Variants in ACOT8 observed in about 807,000 individuals in gnomAD.
The protein encoded by ACOT8 is acyl-coenzyme A thioesterase 8.
In ACOT8, 31 loss-of-function variants were observed where a neutral mutation model predicts 38.4. That is an observed-to-expected ratio of 0.81 (90% confidence interval 0.61 to 1.09). The LOEUF is 1.09. Among genes scored for constraint, ACOT8 ranks in the 50% least tolerant of loss-of-function variants. ACOT8 has a pLI of 0.00. For synonymous variants in ACOT8, 158 were observed against 170.3 expected, an observed-to-expected ratio of 0.93 and a Z score of 0.56; for missense variants, 373 against 421.8, an observed-to-expected ratio of 0.88 and a Z score of 1.01.
At chr20:45,855,359 A>C in intron 1 of ACOT8, 67 bp from the exon 2 acceptor site, 1 of 1,572,740 alleles carries the variant, frequency 6.4e-7, no homozygotes, top group South Asian at 1.1e-5. Flanking sequence ...CCTCACTAAG[A>C]CTCTAATGCA....
rs1229795749 is a variant in ACOT8 at position 45,857,041 on chromosome 20, T to C, written c.128+147A>G. On this transcript the variant is annotated intron_variant, in intron 1 of 5. Transcript: ENST00000217455. ...AGCCAGAGCAGAGAGGACAGCTCTG[T>C]TGGGGGCGAGTTCTCTCCTAATCGT... The C allele has an allele frequency of 6.4e-6, 6 of 936,206 alleles. No homozygotes were observed. In the South Asian group the frequency reaches 6.9e-5, roughly 11 times the overall value. 58.0% of individuals were successfully genotyped at this position (936,206 alleles called of 1,614,324 possible). A position where few individuals can be genotyped will look rare whatever the true frequency, so the allele number is the denominator to read the frequency against.
intron 3 of ACOT8, 47 bp from the exon 4 acceptor site, chr20:45,844,467 G>A: frequency 6.3e-7 from 1 of 1,597,082 alleles, no homozygotes; most frequent in Non-Finnish European, 8.6e-7. Context: ...GGAAGAGAGG[G>A]AGTCACATCT....
intron 5 of ACOT8, chr20:45,842,956 G>A (rs938772564): frequency 4.3e-5 from 43 of 1,010,592 alleles, no homozygotes; most frequent in East Asian, 9.5e-5. Context: ...ATTGATGAAC[G>A]AGTCTTGTTT....
At position 45,844,343 on chromosome 20, in the gene ACOT8, G is replaced by T. The variant is rs1458447985; in HGVS notation, c.566C>A (p.Pro189Gln). The change falls in exon 4 of 6, where the codon CCA (proline) becomes CAA (glutamine). Residue 189 changes from proline to glutamine, a missense_variant. By Grantham distance (76) the Pro-to-Gln change is moderately conservative. Transcript: ENST00000217455. ...CTGGCTCAGGGGGGATGGGTTTACT[G>T]GCTTGATCTCAATGGGGACCTCCTG... ...AAQEVPIEIK[P>Q]VNPSPLSQLQ... 1 of 1,614,026 alleles carries T rather than the reference G, an allele frequency of 6.2e-7. No individual in the cohort carries two copies. The highest frequency in any genetic ancestry group is 1.3e-5 in the African/African-American group (1 of 74,908).
chr20:45,842,790 G>T (rs762543764), intron 5 of ACOT8: 37 of 990,530 alleles, frequency 3.7e-5, no homozygotes, highest in Non-Finnish European at 4.2e-5. Context: ...TCACTTCAAG[G>T]TTATCAATCT....
intron 5 of ACOT8, chr20:45,842,819 G>C: frequency 1.0e-6 from 1 of 991,920 alleles, no homozygotes; most frequent in East Asian, 1.1e-4. Context: ...GATGCTATTG[G>C]TACTTGAGAA....
Position 45,844,268 on chromosome 20 carries a change from T to G in ACOT8, c.641A>C (p.Tyr214Ser). ...KQMFWVRARG[Y>S]IGEGDMKMHC... is the part of the protein sequence containing the mutation. ...CATCCATGGGGTACTCTTACCAATA[T>G]AGCCCCGGGCTCGCACCCAGAACAT... Residue 214 changes from tyrosine (Y) to serine (S), a missense_variant, in exon 4 of 6, where the codon TAT becomes TCT. By Grantham distance (144) the Tyr-to-Ser change is moderately radical (BLOSUM62 -2). Coordinates refer to ENST00000217455, the MANE Select transcript of ACOT8 (RefSeq NM_005469.4). 1 of 1,614,148 alleles carries G rather than the reference T, an allele frequency of 6.2e-7. No homozygotes were observed. The highest frequency in any genetic ancestry group is 1.1e-5 in the South Asian group (1 of 91,074).
In ACOT8 at chr20:45,857,385, C is replaced by G. The variant is rs568471240; in HGVS notation, c.-70G>C. On this transcript the variant is annotated 5_prime_UTR_variant, in exon 1 of 6. Transcript: ENST00000217455. ...GCGGAGACATACACAGAACCTGACT[C>G]TTCCGGCAGATTGCCCTAGTAACCG... The G allele has an allele frequency of 2.0e-6, 3 of 1,510,378 alleles. No individual in the cohort carries two copies. The highest frequency in any genetic ancestry group is 2.7e-6 in the Non-Finnish European group (3 of 1,126,600). The allele number at this position is 1,510,378 out of a possible 1,614,324, so 93.6% of individuals were successfully genotyped here. A position where few individuals can be genotyped will look rare whatever the true frequency, so the allele number is the denominator to read the frequency against.
chr20:45,853,060 C>G (rs1347309646), intron 2 of ACOT8, among the ~76,000 whole-genome samples: 2 of 152,238 alleles, frequency 1.3e-5, no homozygotes. Flanking sequence ...TGAGCCACCA[C>G]GCCCGGCCAA....
chr20:45,847,966 AG>A (rs1187654045), intron 3 of ACOT8: 1 of 151,610 alleles, frequency 6.6e-6, no homozygotes, highest in Non-Finnish European at 1.5e-5. Context: ...TTATAGAGAC[AG>A]GGTTTCACCA....
At chr20:45,843,964 G>T in intron 4 of ACOT8, 1 of 841,716 alleles carries the variant, frequency 1.2e-6, no homozygotes, top group Non-Finnish European at 1.8e-6. Flanking sequence ...GCCCCAAAAG[G>T]GGTGTCTTCT....
chr20:45,848,323 C>A, intron 3 of ACOT8, 127 bp downstream of exon 3: 1 of 866,734 alleles, frequency 1.2e-6, no homozygotes, highest in Non-Finnish European at 1.8e-6. Context: ...ATTATTCACT[C>A]CAGTATCTTC....
intron 2 of ACOT8, among the ~76,000 whole-genome samples, chr20:45,852,391 C>T (rs933125824): frequency 1.3e-5 from 2 of 151,836 alleles, no homozygotes; most frequent in African/African-American, 4.8e-5. Flanking sequence ...ATTGTCCAGG[C>T]TGGTCTCGAA....
intron 2 of ACOT8, among the ~76,000 whole-genome samples, chr20:45,854,737 A>G (rs541017244): frequency 8.5e-5 from 13 of 152,254 alleles, no homozygotes; most frequent in Admixed American, 3.9e-4. Context: ...CTCAGTTGAC[A>G]AAAGAAGCCT....
intron 4 of ACOT8, 64 bp from the exon 5 acceptor site, chr20:45,843,785 AG>A: frequency 6.3e-7 from 1 of 1,580,144 alleles, no homozygotes; most frequent in Non-Finnish European, 8.6e-7. Context: ...GCACGGAGGT[AG>A]GGGGAAAAGG....
rs762359343 is a variant in ACOT8, at chr20:45,856,218, C to T, written c.129-926G>A. Among the ~76,000 whole-genome samples the T allele has an allele frequency of 1.3e-4, 20 of 152,188 alleles. 1 individual carries two copies. The highest frequency in any genetic ancestry group is 2.2e-4 in the Non-Finnish European group (15 of 68,038). On this transcript the variant is annotated intron_variant, in intron 1 of 5. Transcript: ENST00000217455. ...GGTCGAGGTTGCAGTGAGCCATGTT[C>T]GTGCCACTGCACTCCAGCCTGGACA...
At chr20:45,845,162 G>A (rs901825074) in intron 3 of ACOT8, among the ~76,000 whole-genome samples, 3 of 151,964 alleles carry the variant, frequency 2.0e-5, no homozygotes, top group Non-Finnish European at 4.4e-5. Flanking sequence ...AATCTCAGCT[G>A]ACTGCAACCT....
At chr20:45,856,484 AGC>A (rs1985440142) in intron 1 of ACOT8, among the ~76,000 whole-genome samples, 7 of 152,078 alleles carry the variant, frequency 4.6e-5, no homozygotes, top group Admixed American at 3.9e-4. Context: ...GTTCGAGACC[AGC>A]CTGGCCAACA....
At chr20:45,842,575 CTCTT>C (rs1984303918) in intron 5 of ACOT8, 4 of 994,968 alleles carry the variant, frequency 4.0e-6, no homozygotes, top group Non-Finnish European at 4.8e-6. Flanking sequence ...CATCTGGAGA[CTCTT>C]TCTCCCTTGC....
Sources: allele counts gnomAD v4.1 joint callset (sites outside exome capture counted in the v4.1 genomes callset), GRCh38; gene constraint gnomAD v4.1.1; transcripts MANE v1.5; gene names NCBI Gene and HGNC (gene_info 2026-07-23, HGNC 2026-07-21).